The following CEP85L variants were observed in gnomAD, a reference collection of about 807,000 sequenced individuals.
The protein encoded by CEP85L is centrosomal protein 85L.
CEP85L carries 60 observed loss-of-function variants against 100.3 expected under a neutral mutation model. The ratio of observed to expected loss-of-function variants is 0.60; its 90% CI spans 0.49 to 0.74. The LOEUF (loss-of-function observed/expected upper bound fraction) is 0.74. CEP85L is among the 30% of genes least tolerant of loss of function. CEP85L has a pLI of 0.00. For missense variants in CEP85L, 973 were observed against 936.2 expected (o/e 1.04, Z -0.51); for synonymous variants, 319 against 322.7 (o/e 0.99, Z 0.12).
intron 3 of CEP85L, among the ~76,000 whole-genome samples, chr6:118,546,200 C>T (rs1485336102): frequency 6.6e-6 from 1 of 152,080 alleles, no homozygotes; most frequent in African/African-American, 2.4e-5. Flanking sequence ...CCCAAAGGAA[C>T]AAGGTAAACA....
upstream of CEP85L, chr6:118,652,367 C>T (rs1775618120): frequency 9.6e-6 from 10 of 1,046,724 alleles, no homozygotes; most frequent in South Asian, 2.9e-4. Context: ...TAAGGAAGGG[C>T]GAAAAGGGAC....
At chr6:118,565,389 G>C (rs1779440405) in intron 3 of CEP85L, 140 bp downstream of exon 3, 2 of 814,508 alleles carry the variant, frequency 2.5e-6, no homozygotes, top group Non-Finnish European at 3.9e-6. Context: ...TTTTCGGTTT[G>C]TAACATTTCT....
At chr6:118,564,969 A>G (rs916703741) in intron 3 of CEP85L, 4 of 153,156 alleles carry the variant, frequency 2.6e-5, no homozygotes, top group Non-Finnish European at 5.8e-5. Context: ...CTATAAGCTG[A>G]TTAATGAATG....
chr6:118,600,299 GGGTGTGTGTGTGTGTGTGTGTGTGT>G lies in CEP85L; in HGVS notation c.232+32129_232+32153del, dbSNP rs1562297725. ...ACTGCCTGTCCCTGAGCCTTCCTGG[GGGTGTGTGTGTGTGTGTGTGTGTGT>G]GTGTGTGTGTGTGTGTGTGTGTGTG... On this transcript the variant is annotated intron_variant, in intron 2 of 12. Transcript: ENST00000368491. 1.0e-3 allele frequency among the ~76,000 whole-genome samples: 92 copies of G among 89,012 alleles called. 7 individuals are homozygous for G. Among genetic ancestry groups the G allele is most frequent in the African/African-American group, 3.7e-3 (85 of 23,208 alleles). The allele number at this position is 89,012 out of a possible 152,430, so 58.4% of individuals were successfully genotyped here.
rs147289854 is a variant in CEP85L, at chr6:118,606,991, G to A, written c.232+25462C>T. 2.2e-4 allele frequency among the ~76,000 whole-genome samples: 34 copies of A among 152,192 alleles called. No homozygotes were observed. The East Asian group carries it at 6.6e-3, about 29-fold the overall frequency. On this transcript the variant is annotated intron_variant, in intron 2 of 12. Coordinates refer to ENST00000368491, the MANE Select transcript of CEP85L (RefSeq NM_001042475.3). ...CTTTTGCCGGCATGCCAGGCTTCTG[G>A]GTTCCCTTTCCCTGAGCAGCCCTAG...
intron 3 of CEP85L, among the ~76,000 whole-genome samples, chr6:118,546,171 C>T (rs1229974774): frequency 6.6e-6 from 1 of 152,120 alleles, no homozygotes; most frequent in Admixed American, 6.5e-5. Context: ...TCACCATCAT[C>T]GTCATCTTCA....
chr6:118,493,580 C>T (rs991834972), intron 5 of CEP85L, among the ~76,000 whole-genome samples: 22 of 152,004 alleles, frequency 1.4e-4, no homozygotes, highest in Admixed American at 2.0e-4. Flanking sequence ...TGATATAGAG[C>T]ATGGAGAACA....
intron 1 of CEP85L, among the ~76,000 whole-genome samples, chr6:118,665,342 ATTTATTTTAT>A (rs146135870): frequency 1.3e-4 from 20 of 151,854 alleles, no homozygotes; most frequent in Admixed American, 5.2e-4. Flanking sequence ...ATTCAATTTT[ATTTATTTTAT>A]TTTATTTTAT....
chr6:118,633,251 G>GTGGA (rs1308458088), intron 1 of CEP85L, among the ~76,000 whole-genome samples: 1 of 151,014 alleles, frequency 6.6e-6, no homozygotes, highest in African/African-American at 2.4e-5. Flanking sequence ...CCCAGGCTGG[G>GTGGA]TGGAGTGCAG....
chr6:118,671,301 T>TTTTTTCTACACTTATTTTCTC (rs1554243211), intron 1 of CEP85L, among the ~76,000 whole-genome samples: 6 of 152,204 alleles, frequency 3.9e-5, no homozygotes, highest in Admixed American at 6.5e-5. Context: ...TATTATTTTC[T>TTTTTTCTACACTTATTTTCTC]TTTTTCTACA....
intron 10 of CEP85L, among the ~76,000 whole-genome samples, chr6:118,474,237 A>C (rs1382047523): frequency 6.6e-6 from 1 of 152,214 alleles, no homozygotes; most frequent in East Asian, 1.9e-4. Flanking sequence ...ATTTGAAATA[A>C]AACTCTGCTT....
At chr6:118,672,617 T>C (rs1258575302) in intron 1 of CEP85L, among the ~76,000 whole-genome samples, 1 of 151,918 alleles carries the variant, frequency 6.6e-6, no homozygotes, top group Non-Finnish European at 1.5e-5. Context: ...AATGCAAAAC[T>C]TAGCTGGGCA....
At chr6:118,636,869 G>C (rs1211175794) in intron 1 of CEP85L, among the ~76,000 whole-genome samples, 2 of 151,960 alleles carry the variant, frequency 1.3e-5, no homozygotes, top group African/African-American at 2.4e-5. Context: ...CAGATCTTGG[G>C]ACCTGTCAGC....
intron 1 of CEP85L, among the ~76,000 whole-genome samples, chr6:118,664,997 C>T (rs189213634): frequency 7.9e-5 from 12 of 152,328 alleles, no homozygotes; most frequent in Middle Eastern, 3.4e-3. Flanking sequence ...CCTTTACCAT[C>T]ACACATCACA....
chr6:118,474,930 C>T (rs1481599191), intron 10 of CEP85L, among the ~76,000 whole-genome samples: 3 of 152,206 alleles, frequency 2.0e-5, no homozygotes, highest in African/African-American at 7.2e-5. Flanking sequence ...GGGAAGAATA[C>T]TCCTGAGGTC....
intron 2 of CEP85L, among the ~76,000 whole-genome samples, chr6:118,579,787 A>C (rs942079948): frequency 2.9e-4 from 44 of 152,228 alleles, no homozygotes; most frequent in African/African-American, 1.0e-3. Flanking sequence ...CTTTTCTTTT[A>C]AGGCAGCTCC....
chr6:118,499,177 A>T (rs1047533934), intron 5 of CEP85L, among the ~76,000 whole-genome samples: 4 of 152,234 alleles, frequency 2.6e-5, no homozygotes, highest in African/African-American at 4.8e-5. Flanking sequence ...AAATCATCTA[A>T]GCCTCCACCT....
chr6:118,505,477 A>G (rs1562208610), intron 5 of CEP85L, among the ~76,000 whole-genome samples: 1 of 151,210 alleles, frequency 6.6e-6, no homozygotes, highest in Non-Finnish European at 1.5e-5. Context: ...AAATATATGC[A>G]TTCCTGGAAA....
At chr6:118,492,153 G>A (rs1042836139) in intron 5 of CEP85L, among the ~76,000 whole-genome samples, 1 of 151,992 alleles carries the variant, frequency 6.6e-6, no homozygotes, top group African/African-American at 2.4e-5. Flanking sequence ...GCATATAGGA[G>A]AAACTTCATG....
Sources: allele counts gnomAD v4.1 joint callset (sites outside exome capture counted in the v4.1 genomes callset), GRCh38; gene constraint gnomAD v4.1.1; transcripts MANE v1.5; gene names NCBI Gene and HGNC (gene_info 2026-07-23, HGNC 2026-07-21).